Variants in CDH4 observed in about 807,000 individuals in gnomAD.
CDH4 encodes the protein cadherin 4.
A neutral mutation model predicts 86.0 loss-of-function variants in CDH4; 33 were observed. That is an observed-to-expected ratio of 0.38 (90% CI 0.29 to 0.51). The LOEUF is 0.51. Ranked by LOEUF, CDH4 falls within the 20% of genes least tolerant of loss-of-function variation. The pLI is 0.86. For synonymous variants in CDH4, 555 were observed against 549.4 expected (o/e 1.01, Z -0.14); for missense variants, 1,114 against 1,307.4 (o/e 0.85, Z 2.28).
At chr20:61,669,289 C>T (rs775571136) in intron 2 of CDH4, among the ~76,000 whole-genome samples, 9 of 152,228 alleles carry the variant, frequency 5.9e-5, no homozygotes, top group Admixed American at 1.3e-4. Flanking sequence ...CCCCACACAG[C>T]GAGCACCACA....
chr20:61,514,471 T>TG (rs1015559777), intron 2 of CDH4, among the ~76,000 whole-genome samples: 2 of 152,170 alleles, frequency 1.3e-5, no homozygotes, highest in East Asian at 1.9e-4. Context: ...CTAACTTCCT[T>TG]GGGGGGCTCT....
intron 2 of CDH4, among the ~76,000 whole-genome samples, chr20:61,543,913 A>G (rs1290058307): frequency 2.6e-5 from 4 of 152,222 alleles, no homozygotes; most frequent in African/African-American, 9.6e-5. Context: ...AGGATTCTAG[A>G]AACAGCTCAG....
chr20:61,360,586 A>G (rs1600900198), intron 2 of CDH4, among the ~76,000 whole-genome samples: 2 of 152,266 alleles, frequency 1.3e-5, no homozygotes, highest in Admixed American at 1.3e-4. Flanking sequence ...GTGAAGAGCA[A>G]AGTAACGGAG....
chr20:61,288,010 C>T (rs754698767), intron 2 of CDH4, among the ~76,000 whole-genome samples: 3 of 152,184 alleles, frequency 2.0e-5, no homozygotes, highest in Non-Finnish European at 4.4e-5. Context: ...ATGAGTTCCA[C>T]AGCACGAAAG....
intron 2 of CDH4, among the ~76,000 whole-genome samples, chr20:61,616,258 C>T (rs1361627964): frequency 2.0e-5 from 3 of 152,230 alleles, no homozygotes; most frequent in African/African-American, 7.2e-5. Context: ...GGGATGCTGC[C>T]TCGCTGCCTT....
At chr20:61,474,141 A>G (rs1600701267) in intron 2 of CDH4, among the ~76,000 whole-genome samples, 1 of 140,538 alleles carries the variant, frequency 7.1e-6, no homozygotes, top group Non-Finnish European at 1.5e-5. Flanking sequence ...TTCTTTTGTC[A>G]TGGAATAGGA....
intron 6 of CDH4, among the ~76,000 whole-genome samples, chr20:61,858,033 GTGTC>G (rs1182180957): frequency 1.3e-5 from 2 of 151,864 alleles, no homozygotes; most frequent in South Asian, 2.1e-4. Context: ...ATCTGTGTGT[GTGTC>G]TGTGTCTGTG....
intron 2 of CDH4, among the ~76,000 whole-genome samples, chr20:61,508,684 G>A (rs2085758919): frequency 1.3e-5 from 2 of 152,264 alleles, no homozygotes; most frequent in African/African-American, 4.8e-5. Flanking sequence ...CTCAGGACAG[G>A]CAGTGAAGCC....
intron 2 of CDH4, among the ~76,000 whole-genome samples, chr20:61,443,958 GTGTGTGTA>G (rs1264378981): frequency 2.1e-5 from 2 of 95,892 alleles, no homozygotes; most frequent in African/African-American, 1.1e-4. Context: ...GTGTGTGTCT[GTGTGTGTA>G]TCTGTGTGTG....
chr20:61,903,693 G>T (rs541401554), intron 8 of CDH4, among the ~76,000 whole-genome samples: 1 of 152,224 alleles, frequency 6.6e-6, no homozygotes, highest in South Asian at 2.1e-4. Context: ...CTCAAGACAA[G>T]CAGGGTATGG....
At chr20:61,317,492 C>G (rs1467693304) in intron 2 of CDH4, among the ~76,000 whole-genome samples, 1 of 152,186 alleles carries the variant, frequency 6.6e-6, no homozygotes, top group Middle Eastern at 3.4e-3. Context: ...GGTCTGTGGC[C>G]CATTGCATCT....
intron 2 of CDH4, among the ~76,000 whole-genome samples, chr20:61,530,866 T>G (rs1025667761): frequency 1.3e-5 from 2 of 152,176 alleles, no homozygotes; most frequent in East Asian, 3.9e-4. Flanking sequence ...TATCCATAGC[T>G]GCAGCCACAG....
chr20:61,756,882 A>G (rs761809016), intron 3 of CDH4, among the ~76,000 whole-genome samples: 1 of 152,190 alleles, frequency 6.6e-6, no homozygotes, highest in African/African-American at 2.4e-5. Context: ...GAAAGCAACT[A>G]GAAGGTCCCG....
intron 2 of CDH4, among the ~76,000 whole-genome samples, chr20:61,353,711 C>T (rs2084729792): frequency 8.3e-6 from 1 of 120,202 alleles, no homozygotes; most frequent in African/African-American, 3.2e-5. Context: ...TCCTCCTCCC[C>T]TGCTTCCCCT....
At position 61,377,582 on chromosome 20, in the gene CDH4, T is replaced by C. The variant is rs2084879249; in HGVS notation, c.169+122645T>C. 6.6e-6 allele frequency among the ~76,000 whole-genome samples: 1 copy of C among 152,254 alleles called. No homozygotes were observed. Among genetic ancestry groups the C allele is most frequent in the Non-Finnish European group, 1.5e-5 (1 of 68,046 alleles). ...AAAACCATTGCATGGTGCTTTTCTG[T>C]AGTCAACGAGTCGCTTTAGCTTTCA... On this transcript the variant is annotated intron_variant, in intron 2 of 15. Coordinates refer to ENST00000614565, the MANE Select transcript of CDH4 (RefSeq NM_001794.5). The surrounding 1 kb of genome is among the most constrained non-coding windows in gnomAD (Gnocchi z 4.0).
chr20:61,605,536 TCC>T (rs1460409224), intron 2 of CDH4, among the ~76,000 whole-genome samples: 1 of 151,804 alleles, frequency 6.6e-6, no homozygotes, highest in African/African-American at 2.4e-5. Flanking sequence ...TCTGTCTCTC[TCC>T]TTCTGTCTCT....
At chr20:61,401,105 A>T (rs541204251) in intron 2 of CDH4, among the ~76,000 whole-genome samples, 1 of 152,322 alleles carries the variant, frequency 6.6e-6, no homozygotes, top group African/African-American at 2.4e-5. Context: ...CCTCATGCTC[A>T]TCACTGGGCA....
At chr20:61,543,616 C>T (rs190874228) in intron 2 of CDH4, among the ~76,000 whole-genome samples, 7 of 152,298 alleles carry the variant, frequency 4.6e-5, no homozygotes, top group East Asian at 1.9e-4. Context: ...AAGCTGATGG[C>T]GCCTTTATGA....
Position 61,928,293 on chromosome 20 carries a change from G to T in CDH4, c.1875G>T (p.Lys625Asn). 1 of 1,610,368 alleles carries T rather than the reference G, an allele frequency of 6.2e-7. No individual in the cohort carries two copies. The highest frequency in any genetic ancestry group is 8.5e-7 in the Non-Finnish European group (1 of 1,179,974). Residue 625 changes from lysine to asparagine, a missense_variant, in exon 12 of 16, where the codon AAG (lysine) becomes AAT (asparagine). Transcript: ENST00000614565. ...LLPKEAQICE[K>N]PNLNAINITA... is the part of the protein sequence containing the mutation. ...CCAAGGAGGCGCAGATCTGCGAGAA[G>T]CCCAACCTGAACGCCATCAACATCA...
Sources: gnomAD v4.1 joint callset for allele counts (sites outside exome capture counted in the v4.1 genomes callset) on GRCh38, gnomAD v4.1.1 for gene constraint, Gnocchi (gnomAD v3.1) non-coding constraint, MANE v1.5 for transcripts, NCBI Gene and HGNC (gene_info 2026-07-23, HGNC 2026-07-21) for gene names.